Variants in FEZ1 observed in about 807,000 individuals in gnomAD.
FEZ1 encodes fasciculation and elongation protein zeta 1, also known as fasciculation and elongation protein zeta-1.
A neutral mutation model predicts 49.3 loss-of-function variants in FEZ1; 20 were observed. The observed-to-expected ratio is 0.41, with a 90% CI of 0.29 to 0.59. The LOEUF (loss-of-function observed/expected upper bound fraction) is 0.59. Among genes scored for constraint, FEZ1 ranks in the 20% least tolerant of loss-of-function variants. The pLI is 0.36. For synonymous variants in FEZ1, 170 were observed against 180.9 expected, an observed-to-expected ratio of 0.94 and a Z score of 0.48; for missense variants, 413 against 476.0, an observed-to-expected ratio of 0.87 and a Z score of 1.23.
intron 9 of FEZ1, 87 bp downstream of exon 9, chr11:125,448,414 TG>T: frequency 1.2e-6 from 1 of 844,092 alleles, no homozygotes; most frequent in Non-Finnish European, 2.0e-6. Context: ...TGGTCTGGTC[TG>T]GCATGGGCAA....
At chr11:125,460,861 C>T (rs1295272098) in intron 4 of FEZ1, among the ~76,000 whole-genome samples, 195 bp from the exon 5 acceptor site, 1 of 152,156 alleles carries the variant, frequency 6.6e-6, no homozygotes, top group African/African-American at 2.4e-5. Flanking sequence ...TAATGTAAGG[C>T]ACTCTTTAAT....
At chr11:125,457,475 TATATACAC>T (rs1168226428) in intron 5 of FEZ1, among the ~76,000 whole-genome samples, 1 of 59,076 alleles carries the variant, frequency 1.7e-5, no homozygotes, top group Admixed American at 1.6e-4. Flanking sequence ...TATATATGTA[TATATACAC>T]ATATATGTGT....
chr11:125,446,140 G>T (rs775094507), intron 9 of FEZ1, 29 bp from the exon 10 acceptor site: 1 of 1,613,334 alleles, frequency 6.2e-7, no homozygotes, highest in Non-Finnish European at 8.5e-7. Context: ...AGGGGAGAGC[G>T]GTCAGAACAC....
At chr11:125,461,425 G>A (rs1183180228) in intron 4 of FEZ1, among the ~76,000 whole-genome samples, 2 of 152,160 alleles carry the variant, frequency 1.3e-5, no homozygotes, top group East Asian at 3.8e-4. Context: ...TGAGCAACAT[G>A]GCGAAACCCC....
At chr11:125,487,495 G>A (rs1439556064) in intron 2 of FEZ1, among the ~76,000 whole-genome samples, 1 of 152,022 alleles carries the variant, frequency 6.6e-6, no homozygotes, top group Admixed American at 6.6e-5. Flanking sequence ...AAAAATATTC[G>A]GCATAATAAA....
At chr11:125,462,359 T>C (rs1957083851) in intron 4 of FEZ1, among the ~76,000 whole-genome samples, 1 of 152,250 alleles carries the variant, frequency 6.6e-6, no homozygotes, top group South Asian at 2.1e-4. Flanking sequence ...TGCGAAGCAC[T>C]CTATCTTTTT....
chr11:125,463,634 T>C, intron 3 of FEZ1, 64 bp from the exon 4 acceptor site: 1 of 962,310 alleles, frequency 1.0e-6, no homozygotes, highest in Non-Finnish European at 1.7e-6. Context: ...TTGCCTCTAG[T>C]CTCGAGAATG....
intron 3 of FEZ1, among the ~76,000 whole-genome samples, chr11:125,481,132 T>C (rs1037482401): frequency 1.3e-5 from 2 of 152,182 alleles, no homozygotes; most frequent in Admixed American, 6.5e-5. Context: ...TGCTTTTCTA[T>C]AGATGACCAT....
chr11:125,474,632 G>A (rs1279892463), intron 3 of FEZ1, among the ~76,000 whole-genome samples: 1 of 152,172 alleles, frequency 6.6e-6, no homozygotes, highest in Non-Finnish European at 1.5e-5. Context: ...GCTCATGCCT[G>A]TAATCCCAGC....
chr11:125,456,020 G>A lies in FEZ1; in HGVS notation c.754C>T (p.Gln252Ter), dbSNP rs780307067. 1 of 1,613,112 alleles carries A rather than the reference G, an allele frequency of 6.2e-7. No homozygotes were observed. Among genetic ancestry groups the A allele is most frequent in the Non-Finnish European group, 8.5e-7 (1 of 1,179,966 alleles). ...AGCTCGTCCCGGCGGGCCAGCTGCTGCACCAGCTCCTCCGAGAAGTCACGG... is the reference window on the plus strand; with the variant it reads ...AGCTCGTCCCGGCGGGCCAGCTGCTACACCAGCTCCTCCGAGAAGTCACGG... ...AIRDFSEELV[Q>*]QLARRDELEF... is the part of the protein sequence containing the mutation. The change falls in exon 6 of 10, where the codon CAG becomes TAG. Residue 252 changes from glutamine to a stop codon, truncating the protein, a stop_gained. Transcript: ENST00000278919. LOFTEE classifies it high-confidence loss of function.
rs576619250 is a variant in FEZ1, at chr11:125,455,720, C to T, written c.939+115G>A. 8 of 1,059,584 alleles carry T rather than the reference C, an allele frequency of 7.6e-6. No homozygotes were observed. The East Asian group carries it at 1.7e-4, about 22-fold the overall frequency. The allele number at this position is 1,059,584 out of a possible 1,614,324, so 65.6% of individuals were successfully genotyped here. On this transcript the variant is annotated intron_variant, in intron 6 of 9. Coordinates refer to ENST00000278919, the MANE Select transcript of FEZ1 (RefSeq NM_005103.5). ...ACCCCCTGTCTGTCACAGTGTGCTGCTCACCACCACTGCTCGGTAAACGTT... is the reference window on the plus strand; with the variant it reads ...ACCCCCTGTCTGTCACAGTGTGCTGTTCACCACCACTGCTCGGTAAACGTT...
rs918651414 is a variant in FEZ1, at chr11:125,489,474, C to A, written c.304G>T (p.Asp102Tyr). Reference protein sequence around the residue: ...QIQEEEETLQDEEVWDALTDN... With the variant: ...QIQEEEETLQYEEVWDALTDN... The stretch of plus-strand genomic sequence containing the variant: ...GCAATTAAGACTTCTTACTCCTCGT[C>A]CTGAAGGGTCTCCTCCTCCTCTTGG... Residue 102 changes from aspartate to tyrosine, a missense_variant, in exon 2 of 10, where the codon GAC becomes TAC. By Grantham distance (160) the Asp-to-Tyr change is radical. Coordinates refer to ENST00000278919, the MANE Select transcript of FEZ1 (RefSeq NM_005103.5). The surrounding 1 kb of genome is among the most constrained non-coding windows in gnomAD (Gnocchi z 4.2). 1.2e-6 allele frequency: 2 copies of A among 1,612,018 alleles called. No homozygotes were observed. Among genetic ancestry groups the A allele is most frequent in the Admixed American group, 3.4e-5 (2 of 59,680 alleles).
chr11:125,452,562 C>G, intron 7 of FEZ1, 153 bp from the exon 8 acceptor site: 2 of 587,936 alleles, frequency 3.4e-6, no homozygotes, highest in South Asian at 4.6e-5. Context: ...ACTTCTTACC[C>G]CTCTTTAGGG....
intron 1 of FEZ1, among the ~76,000 whole-genome samples, chr11:125,490,710 TA>T (rs544139616): frequency 1.3e-5 from 2 of 151,632 alleles, no homozygotes; most frequent in African/African-American, 2.4e-5. Flanking sequence ...TTTATTTTTT[TA>T]AAAAAACTAA....
At chr11:125,477,667 A>C (rs951865582) in intron 3 of FEZ1, among the ~76,000 whole-genome samples, 18 of 152,148 alleles carry the variant, frequency 1.2e-4, no homozygotes, top group Non-Finnish European at 1.5e-5. Flanking sequence ...GGTACTAGGC[A>C]CTAAGGACCA....
rs964460299 is a variant in FEZ1 at position 125,444,922 on chromosome 11, T to C, written c.*1173A>G. 8.5e-5 allele frequency among the ~76,000 whole-genome samples: 13 copies of C among 152,244 alleles called. No homozygotes were observed. Among genetic ancestry groups the C allele is most frequent in the African/African-American group, 3.1e-4 (13 of 41,474 alleles). ...TGCTGTGATGTGTGCTAATGCACGA[T>C]GAAGCCAGTGCAGGCTACAGCAAGT... On this transcript the variant is annotated 3_prime_UTR_variant, in exon 10 of 10. Coordinates refer to ENST00000278919, the MANE Select transcript of FEZ1 (RefSeq NM_005103.5).
Position 125,489,399 on chromosome 11 carries a change from C to G in FEZ1, c.311+68G>C. 1 of 1,529,912 alleles carries G rather than the reference C, an allele frequency of 6.5e-7. No individual in the cohort carries two copies. Among genetic ancestry groups the G allele is most frequent in the Non-Finnish European group, 8.8e-7 (1 of 1,142,716 alleles). 94.8% of individuals were successfully genotyped at this position (1,529,912 alleles called of 1,614,324 possible). A position where few individuals can be genotyped will look rare whatever the true frequency, so the allele number is the denominator to read the frequency against. ...ATAAACCTATAGACAGAAACCAGCACTATGTCAAGGAGACAAGGACTACAG... is the reference window on the plus strand; with the variant it reads ...ATAAACCTATAGACAGAAACCAGCAGTATGTCAAGGAGACAAGGACTACAG... On this transcript the variant is annotated intron_variant, in intron 2 of 9. Transcript: ENST00000278919. This position sits in a 1 kb window ranked among gnomAD's most constrained non-coding sequence, Gnocchi z 4.2.
intron 2 of FEZ1, among the ~76,000 whole-genome samples, chr11:125,487,867 A>C (rs1957340158): frequency 6.6e-6 from 1 of 152,198 alleles, no homozygotes; most frequent in African/African-American, 2.4e-5. Flanking sequence ...CTATGTGTAA[A>C]AGTAGAGTCT....
In FEZ1 at chr11:125,495,303, AC is replaced by A; in HGVS notation, c.-46+817del. ...TGCCCTTCCGGCCAAACAAGCCCGGACACGGGAGAGGGATGAGAGTCGGGGA... is the reference window on the plus strand; with the variant it reads ...TGCCCTTCCGGCCAAACAAGCCCGGAACGGGAGAGGGATGAGAGTCGGGGA... On this transcript the variant is annotated intron_variant, in intron 1 of 9. Transcript: ENST00000278919. The surrounding 1 kb of genome is among the most constrained non-coding windows in gnomAD (Gnocchi z 4.2). The A allele has an allele frequency of 2.2e-6, 1 of 453,608 alleles. No homozygotes were observed. The highest frequency in any genetic ancestry group is 4.6e-6 in the Non-Finnish European group (1 of 216,158). 28.1% of individuals were successfully genotyped at this position (453,608 alleles called of 1,614,324 possible).
Sources: gnomAD v4.1 joint callset for allele counts (sites outside exome capture counted in the v4.1 genomes callset) on GRCh38, gnomAD v4.1.1 for gene constraint, Gnocchi (gnomAD v3.1) non-coding constraint, MANE v1.5 for transcripts, NCBI Gene and HGNC (gene_info 2026-07-23, HGNC 2026-07-21) for gene names.